CEP128: variants seen among roughly 807,000 people sequenced by gnomAD.
CEP128 encodes the protein centrosomal protein 128kDa.
CEP128 carries 132 observed loss-of-function variants against 156.7 expected under a neutral mutation model. The ratio of observed to expected loss-of-function variants is 0.84; its 90% CI spans 0.73 to 0.97. The LOEUF (loss-of-function observed/expected upper bound fraction) is 0.97. Among genes scored for constraint, CEP128 ranks in the 50% least tolerant of loss-of-function variants. The pLI, the probability that CEP128 is intolerant of heterozygous loss-of-function variation, is 0.00. For synonymous variants in CEP128, 469 were observed against 448.9 expected, an observed-to-expected ratio of 1.04 and a Z score of -0.57; for missense variants, 1,252 against 1,281.9, an observed-to-expected ratio of 0.98 and a Z score of 0.36.
intron 19 of CEP128, among the ~76,000 whole-genome samples, chr14:80,658,891 G>C (rs1895283367): frequency 6.6e-6 from 1 of 152,166 alleles, no homozygotes; most frequent in South Asian, 2.1e-4. Flanking sequence ...AATGCTTAAA[G>C]TTACATAATG....
intron 13 of CEP128, among the ~76,000 whole-genome samples, chr14:80,826,359 A>G (rs1209702546): frequency 6.6e-6 from 1 of 152,162 alleles, no homozygotes; most frequent in Non-Finnish European, 1.5e-5. Flanking sequence ...ATATTTTACA[A>G]TATGCACTTA....
rs74977636 is a variant in CEP128, at chr14:80,948,085, T to C, written c.-171-8545A>G. Among the ~76,000 whole-genome samples the C allele has an allele frequency of 1.2e-4, 5 of 40,718 alleles. No homozygotes were observed. The African/African-American group carries it at 1.7e-3, about 14-fold the overall frequency. The allele number at this position is 40,718 out of a possible 152,430, so 26.7% of individuals were successfully genotyped here. On this transcript the variant is annotated intron_variant, in intron 2 of 7. Transcript: ENST00000555529. The stretch of plus-strand genomic sequence containing the variant: ...TGTTATAGGTAAGTAAAAGGGAAAT[T>C]CCCCCAAATCTTGATTAGGTGGGAC...
At chr14:80,749,791 A>C (rs554154153) in intron 18 of CEP128, among the ~76,000 whole-genome samples, 2 of 152,354 alleles carry the variant, frequency 1.3e-5, no homozygotes, top group East Asian at 3.9e-4. Context: ...GAAACACATA[A>C]GAAACAAGTG....
At chr14:80,642,252 G>C (rs1428994824) in intron 19 of CEP128, among the ~76,000 whole-genome samples, 2 of 152,134 alleles carry the variant, frequency 1.3e-5, no homozygotes, top group Non-Finnish European at 2.9e-5. Flanking sequence ...CTCATTCTAA[G>C]AAAAGAGGGG....
chr14:80,496,279 T>C (rs930851709), downstream of CEP128, among the ~76,000 whole-genome samples: 2 of 152,186 alleles, frequency 1.3e-5, no homozygotes, highest in Admixed American at 6.5e-5. Context: ...TCAGGTTACA[T>C]AGCTTGTGTT....
chr14:80,821,592 TACACACATACAC>T (rs1885176158), intron 13 of CEP128, among the ~76,000 whole-genome samples: 1 of 80,024 alleles, frequency 1.2e-5, no homozygotes, highest in Non-Finnish European at 2.5e-5. Context: ...GTCACACACA[TACACACATACAC>T]ACACACACAC....
intron 13 of CEP128, among the ~76,000 whole-genome samples, chr14:80,806,661 G>T (rs1376343699): frequency 1.3e-5 from 2 of 152,158 alleles, no homozygotes; most frequent in African/African-American, 4.8e-5. Context: ...GACTGCTTTT[G>T]ATTGAGGTAG....
rs138893302 is a variant in CEP128, at chr14:80,902,185, A to G, written c.481-2156T>C. Among the ~76,000 whole-genome samples the G allele has an allele frequency of 2.0e-5, 3 of 152,298 alleles. No individual in the cohort carries two copies. In the East Asian group the frequency reaches 5.8e-4, roughly 29 times the overall value. ...TTCATAAATAAGGTTGTATTTATGT[A>G]TTTATTTAATATCTAGCTCCTCCTC... is the stretch of plus-strand genomic sequence containing the variant. On this transcript the variant is annotated intron_variant, in intron 6 of 24. Coordinates refer to ENST00000555265, the MANE Select transcript of CEP128 (RefSeq NM_152446.5).
chr14:80,505,133 C>A, intron 23 of CEP128, 113 bp from the exon 24 acceptor site: 1 of 388,196 alleles, frequency 2.6e-6, no homozygotes, highest in Non-Finnish European at 4.7e-6. Flanking sequence ...GTTGTACATG[C>A]ACAATTTAAT....
In CEP128 at chr14:80,831,236, C is replaced by T. The variant is rs1226215147; in HGVS notation, c.1116G>A (p.Leu372=). ...ACTCAGATGCCATTGCGCTGAAGTT[C>T]AGCTGCACTCTCAAATCTGACATTT... The part of the protein sequence containing the change: ...EKQMSDLRVQ[L]NFSAMASELE... The change falls in exon 13 of 25, where the codon CTG becomes CTA. Residue 372 remains leucine (L), a synonymous_variant. Transcript: ENST00000555265. The T allele has an allele frequency of 3.7e-6, 6 of 1,613,992 alleles. No homozygotes were observed. Among genetic ancestry groups the T allele is most frequent in the Non-Finnish European group, 5.1e-6 (6 of 1,179,912 alleles).
In CEP128 at chr14:80,801,138, C is replaced by A. The variant is rs1883820313; in HGVS notation, c.1210-8028G>T. On this transcript the variant is annotated intron_variant, in intron 13 of 24. Coordinates refer to ENST00000555265, the MANE Select transcript of CEP128 (RefSeq NM_152446.5). ...CTTATGAGTTCAAGGACTTTTTTGGCTGAGATGATGGGGTTTTCTAAATAT... is the reference window on the plus strand; with the variant it reads ...CTTATGAGTTCAAGGACTTTTTTGGATGAGATGATGGGGTTTTCTAAATAT... 2.0e-5 allele frequency among the ~76,000 whole-genome samples: 3 copies of A among 152,236 alleles called. No individual in the cohort carries two copies. In the East Asian group the frequency reaches 5.8e-4, roughly 29 times the overall value.
At chr14:80,880,632 G>A (rs1010015829) in intron 8 of CEP128, among the ~76,000 whole-genome samples, 27 of 151,500 alleles carry the variant, frequency 1.8e-4, no homozygotes, top group Middle Eastern at 3.4e-3. Flanking sequence ...CAAGGTGGGC[G>A]GATCACGAGG....
chr14:80,729,387 T>TAC (rs1430105988), intron 19 of CEP128, among the ~76,000 whole-genome samples: 1 of 151,580 alleles, frequency 6.6e-6, no homozygotes, highest in African/African-American at 2.4e-5. Flanking sequence ...TATACATATA[T>TAC]ATATATACCA....
At chr14:80,704,254 G>A (rs948555506) in intron 19 of CEP128, among the ~76,000 whole-genome samples, 1 of 151,930 alleles carries the variant, frequency 6.6e-6, no homozygotes, top group African/African-American at 2.4e-5. Flanking sequence ...TTCATTTGGA[G>A]AGCAACAAAA....
chr14:80,489,380 CCTTCTAA>C (rs1389453467), downstream of CEP128, among the ~76,000 whole-genome samples: 5 of 151,790 alleles, frequency 3.3e-5, no homozygotes, highest in African/African-American at 9.7e-5. Context: ...ACACAGAGCC[CCTTCTAA>C]CTGGCACACA....
chr14:80,878,642 G>A (rs553959281), intron 8 of CEP128, among the ~76,000 whole-genome samples: 5 of 152,086 alleles, frequency 3.3e-5, no homozygotes, highest in South Asian at 4.1e-4. Context: ...CCCCTTCCTC[G>A]TTGGAGCCAT....
intron 21 of CEP128, among the ~76,000 whole-genome samples, chr14:80,553,148 T>G (rs1890283030): frequency 6.6e-6 from 1 of 152,000 alleles, no homozygotes. Flanking sequence ...GTTACATAGG[T>G]ACACATGTGC....
chr14:80,635,979 C>T (rs1329704065), intron 19 of CEP128, among the ~76,000 whole-genome samples: 7 of 152,136 alleles, frequency 4.6e-5, no homozygotes, highest in African/African-American at 1.7e-4. Context: ...GGGTCCCATC[C>T]CTGAGATTTC....
intron 7 of CEP128, among the ~76,000 whole-genome samples, chr14:80,896,093 G>A (rs1055007517): frequency 6.6e-6 from 1 of 152,100 alleles, no homozygotes. Flanking sequence ...CCGCTGCTAC[G>A]CTGGAACATC....
Sources: gnomAD v4.1 joint callset for allele counts (sites outside exome capture counted in the v4.1 genomes callset) on GRCh38, gnomAD v4.1.1 for gene constraint, MANE v1.5 for transcripts, NCBI Gene and HGNC (gene_info 2026-07-23, HGNC 2026-07-21) for gene names.